Variants in KLHDC9 observed in about 807,000 individuals in gnomAD.
The protein encoded by KLHDC9 is kelch domain-containing protein 9.
In KLHDC9, 26 loss-of-function variants were observed where a neutral mutation model predicts 31.5. That is an observed-to-expected ratio of 0.83 (90% CI 0.61 to 1.15). KLHDC9 has a LOEUF of 1.15. Among genes scored for constraint, KLHDC9 ranks in the 50% most tolerant of loss-of-function variants. The pLI, the probability that KLHDC9 is intolerant of heterozygous loss-of-function variation, is 0.00. For missense variants in KLHDC9, 437 were observed against 467.7 expected (o/e 0.93, Z 0.61); for synonymous variants, 176 against 184.7 (o/e 0.95, Z 0.38).
In KLHDC9 at chr1:161,099,369, C is replaced by T; in HGVS notation, c.551C>T (p.Thr184Ile). 6.2e-7 allele frequency: 1 copy of T among 1,614,250 alleles called. No homozygotes were observed. The highest frequency in any genetic ancestry group is 8.5e-7 in the Non-Finnish European group (1 of 1,180,038). ...TYCYKQEGCH[T>I]ASRSGHCAAL... ...AGCTACAAGCAAGAAGGCTGCCACACAGCCTCACGCTCAGGTCACTGTGCG... is the reference window on the plus strand; with the variant it reads ...AGCTACAAGCAAGAAGGCTGCCACATAGCCTCACGCTCAGGTCACTGTGCG... The change falls in exon 2 of 4, where the codon ACA (threonine) becomes ATA (isoleucine). Residue 184 changes from threonine to isoleucine, a missense_variant. Thr to Ile is a moderately conservative substitution (Grantham distance 89). Coordinates refer to ENST00000368011, the MANE Select transcript of KLHDC9 (RefSeq NM_152366.5).
At position 161,099,297 on chromosome 1, in the gene KLHDC9, T is replaced by TA. The variant is rs374276703; in HGVS notation, c.528-48dup. 1,486 of 1,611,760 alleles carry TA rather than the reference T, an allele frequency of 9.2e-4. 16 individuals are homozygous for TA. In the African/African-American group the frequency reaches 0.017, roughly 18 times the overall value. ...CATCCTTGGCAAGGGCGGTGGCACT[T>TA]ACATTTTCCAGAAAACCCACTCAGC... On this transcript the variant is annotated intron_variant, in intron 1 of 3. Coordinates refer to ENST00000368011, the MANE Select transcript of KLHDC9 (RefSeq NM_152366.5).
rs1654465179 is a variant in KLHDC9, at chr1:161,099,373, C to T, written c.555C>T (p.Ala185=). 6.2e-7 allele frequency: 1 copy of T among 1,614,260 alleles called. No homozygotes were observed. Among genetic ancestry groups the T allele is most frequent in the South Asian group, 1.1e-5 (1 of 91,090 alleles). Residue 185 remains alanine, a synonymous_variant, in exon 2 of 4, where the codon GCC becomes GCT. Transcript: ENST00000368011. ...ACAAGCAAGAAGGCTGCCACACAGCCTCACGCTCAGGTCACTGTGCGGCCC... is the reference window on the plus strand; with the variant it reads ...ACAAGCAAGAAGGCTGCCACACAGCTTCACGCTCAGGTCACTGTGCGGCCC... ...YCYKQEGCHT[A]SRSGHCAALL...
In KLHDC9 at chr1:161,098,692, G is replaced by C; in HGVS notation, c.157G>C (p.Glu53Gln). The C allele has an allele frequency of 1.9e-6, 3 of 1,613,174 alleles. No individual in the cohort carries two copies. Among genetic ancestry groups the C allele is most frequent in the Non-Finnish European group, 2.5e-6 (3 of 1,179,514 alleles). ...TGGTCTCCTAGCAGGAGGAGCGAGAGAGCCCAGCAGCGATACGGTGGTTTT... is the reference window on the plus strand; with the variant it reads ...TGGTCTCCTAGCAGGAGGAGCGAGACAGCCCAGCAGCGATACGGTGGTTTT... The part of the protein sequence containing the change: ...VGGLLAGGAR[E>Q]PSSDTVVFDP... The change falls in exon 1 of 4, where the codon GAG becomes CAG. Residue 53 changes from glutamate to glutamine, a missense_variant. Coordinates refer to ENST00000368011, the MANE Select transcript of KLHDC9 (RefSeq NM_152366.5). The surrounding 1 kb of genome is among the most constrained non-coding windows in gnomAD (Gnocchi z 6.3).
In KLHDC9 at chr1:161,099,626, TG is replaced by T; in HGVS notation, c.718del (p.Glu240AsnfsTer7). 6.2e-7 allele frequency: 1 copy of T among 1,614,184 alleles called. No homozygotes were observed. Among genetic ancestry groups the T allele is most frequent in the Admixed American group, 1.7e-5 (1 of 60,022 alleles). On this transcript the variant is annotated frameshift_variant, in exon 3 of 4. Coordinates refer to ENST00000368011, the MANE Select transcript of KLHDC9 (RefSeq NM_152366.5). LOFTEE classifies it high-confidence loss of function. ...GAACCACCTGTTGCTCCTCATTTGA[TG>T]GAACAGCTTGCAAGGCTTGTGAGCA... ...KEEPPVAPHL[M>X]EQLARLVSSG... is the part of the protein sequence containing the mutation.
chr1:161,098,449 A>T lies in KLHDC9; in HGVS notation c.-87A>T. 8.0e-7 allele frequency: 1 copy of T among 1,251,514 alleles called. No homozygotes were observed. Among genetic ancestry groups the T allele is most frequent in the Admixed American group, 3.1e-5 (1 of 32,590 alleles). 77.5% of individuals were successfully genotyped at this position (1,251,514 alleles called of 1,614,324 possible). ...TCCGGTAGGGGGAGGTTCCCGGGGA[A>T]GCCCGCGGAAGGCGAGGTGCCTGGC... On this transcript the variant is annotated 5_prime_UTR_variant, in exon 1 of 4. It adds an upstream start codon to the 5' untranslated region. Coordinates refer to ENST00000368011, the MANE Select transcript of KLHDC9 (RefSeq NM_152366.5). The surrounding 1 kb of genome is among the most constrained non-coding windows in gnomAD (Gnocchi z 6.3).
At position 161,098,657 on chromosome 1, in the gene KLHDC9, A is replaced by G. The variant is rs750864544; in HGVS notation, c.122A>G (p.Tyr41Cys). The stretch of plus-strand genomic sequence containing the variant: ...TGCACCGAACTGCGGGGACGGTTCT[A>G]TCTCGTAGGTGGTCTCCTAGCAGGA... Reference protein sequence around the residue: ...HSCTELRGRFYLVGGLLAGGA... With the variant: ...HSCTELRGRFCLVGGLLAGGA... Residue 41 changes from tyrosine to cysteine, a missense_variant, in exon 1 of 4, where the codon TAT becomes TGT. Transcript: ENST00000368011. This position sits in a 1 kb window ranked among gnomAD's most constrained non-coding sequence, Gnocchi z 6.3. 5 of 1,612,768 alleles carry G rather than the reference A, an allele frequency of 3.1e-6. No homozygotes were observed. Among genetic ancestry groups the G allele is most frequent in the East Asian group, 2.2e-5 (1 of 44,850 alleles).
chr1:161,098,732 G>A lies in KLHDC9; in HGVS notation c.197G>A (p.Gly66Asp). 1.2e-6 allele frequency: 2 copies of A among 1,610,246 alleles called. No homozygotes were observed. The highest frequency in any genetic ancestry group is 1.7e-4 in the Middle Eastern group (1 of 6,054). ...ACGGTGGTTTTCGACCCAGCTAGGGGCCAGGCCGTACGATTGGGAGCCCGG... is the reference window on the plus strand; with the variant it reads ...ACGGTGGTTTTCGACCCAGCTAGGGACCAGGCCGTACGATTGGGAGCCCGG... ...SDTVVFDPAR[G>D]QAVRLGARGS... Residue 66 changes from glycine to aspartate, a missense_variant, in exon 1 of 4, where the codon GGC becomes GAC. Transcript: ENST00000368011. This position sits in a 1 kb window ranked among gnomAD's most constrained non-coding sequence, Gnocchi z 6.3.
chr1:161,098,372 TGGG>T lies in KLHDC9; in HGVS notation c.-163_-161del. 1 of 629,162 alleles carries T rather than the reference TGGG, an allele frequency of 1.6e-6. No homozygotes were observed. 39.0% of individuals were successfully genotyped at this position (629,162 alleles called of 1,614,324 possible). A position where few individuals can be genotyped will look rare whatever the true frequency, so the allele number is the denominator to read the frequency against. ...GCGCTGCAGCCGCTGCAGTGGTTGC[TGGG>T]CGACCACGGAGAGAAAGCCGGGACT... On this transcript the variant is annotated 5_prime_UTR_variant, in exon 1 of 4. Coordinates refer to ENST00000368011, the MANE Select transcript of KLHDC9 (RefSeq NM_152366.5). This position sits in a 1 kb window ranked among gnomAD's most constrained non-coding sequence, Gnocchi z 6.3.
Position 161,098,459 on chromosome 1 carries a change from A to G in KLHDC9, c.-77A>G. On this transcript the variant is annotated 5_prime_UTR_variant, in exon 1 of 4. Transcript: ENST00000368011. This position sits in a 1 kb window ranked among gnomAD's most constrained non-coding sequence, Gnocchi z 6.3. ...GGAGGTTCCCGGGGAAGCCCGCGGAAGGCGAGGTGCCTGGCCTGCCATGTA... is the reference window on the plus strand; with the variant it reads ...GGAGGTTCCCGGGGAAGCCCGCGGAGGGCGAGGTGCCTGGCCTGCCATGTA... 7.6e-7 allele frequency: 1 copy of G among 1,308,008 alleles called. No homozygotes were observed. The highest frequency in any genetic ancestry group is 1.6e-5 in the South Asian group (1 of 61,060). The allele number at this position is 1,308,008 out of a possible 1,614,324, so 81.0% of individuals were successfully genotyped here. A position where few individuals can be genotyped will look rare whatever the true frequency, so the allele number is the denominator to read the frequency against.
rs1381540394 is a variant in KLHDC9, at chr1:161,099,452, T to C, written c.634T>C (p.Cys212Arg). The C allele has an allele frequency of 1.9e-5, 31 of 1,614,154 alleles. No homozygotes were observed. The highest frequency in any genetic ancestry group is 2.5e-5 in the Non-Finnish European group (30 of 1,180,056). The change falls in exon 2 of 4, where the codon TGC (cysteine) becomes CGC (arginine). Residue 212 changes from cysteine to arginine, a missense_variant. Physicochemically the swap from Cys to Arg is radical, Grantham distance 180. Coordinates refer to ENST00000368011, the MANE Select transcript of KLHDC9 (RefSeq NM_152366.5). ...TCATCAGCTATTGCTCTTTGGAGGT[T>C]GCAACTTAGCTGAACCAGAAGTAGC... ...PGHQLLLFGG[C>R]NLAEPEVAGH...
At chr1:161,099,881 G>A (rs1654497996) in intron 3 of KLHDC9, 85 bp downstream of exon 3, 1 of 1,421,812 alleles carries the variant, frequency 7.0e-7, no homozygotes, top group East Asian at 2.3e-5. Context: ...GGAGTGATGG[G>A]GTAGGGAGGA....
Position 161,100,277 on chromosome 1 carries a change from C to G in KLHDC9, c.*53C>G. 1 of 1,537,848 alleles carries G rather than the reference C, an allele frequency of 6.5e-7. No individual in the cohort carries two copies. Among genetic ancestry groups the G allele is most frequent in the Non-Finnish European group, 8.9e-7 (1 of 1,120,432 alleles). On this transcript the variant is annotated 3_prime_UTR_variant, in exon 4 of 4. Coordinates refer to ENST00000368011, the MANE Select transcript of KLHDC9 (RefSeq NM_152366.5). ...CGTTTTGTTTTGCTTTGTTGCAAAC[C>G]TATAAAGCGTTATCACCAGAGCTAT... is the stretch of plus-strand genomic sequence containing the variant.
chr1:161,098,395 G>T lies in KLHDC9; in HGVS notation c.-141G>T. On this transcript the variant is annotated 5_prime_UTR_variant, in exon 1 of 4. Transcript: ENST00000368011. The surrounding 1 kb of genome is among the most constrained non-coding windows in gnomAD (Gnocchi z 6.3). ...GCTGGGCGACCACGGAGAGAAAGCCGGGACTTGAGGTGGGAACCCCGGCTG... is the reference window on the plus strand; with the variant it reads ...GCTGGGCGACCACGGAGAGAAAGCCTGGACTTGAGGTGGGAACCCCGGCTG... The T allele has an allele frequency of 1.4e-6, 1 of 707,950 alleles. No individual in the cohort carries two copies. Among genetic ancestry groups the T allele is most frequent in the Non-Finnish European group, 2.2e-6 (1 of 447,732 alleles). 43.9% of individuals were successfully genotyped at this position (707,950 alleles called of 1,614,324 possible).
chr1:161,100,037 C>T (rs376205080), intron 3 of KLHDC9, 24 bp from the exon 4 acceptor site: 3 of 1,611,900 alleles, frequency 1.9e-6, no homozygotes, highest in African/African-American at 2.7e-5. Context: ...GCCTCAATAA[C>T]CACCCTCTGC....
chr1:161,098,490 T>C lies in KLHDC9; in HGVS notation c.-46T>C. On this transcript the variant is annotated 5_prime_UTR_variant, in exon 1 of 4. Transcript: ENST00000368011. This position sits in a 1 kb window ranked among gnomAD's most constrained non-coding sequence, Gnocchi z 6.3. ...GGTGCCTGGCCTGCCATGTAGGGGC[T>C]CGTTCCAAGCCGCAGACCCCACCGC... The C allele has an allele frequency of 6.8e-7, 1 of 1,480,072 alleles. No homozygotes were observed. Among genetic ancestry groups the C allele is most frequent in the Non-Finnish European group, 9.0e-7 (1 of 1,109,842 alleles). The allele number at this position is 1,480,072 out of a possible 1,614,324, so 91.7% of individuals were successfully genotyped here.
chr1:161,100,286 GT>G lies in KLHDC9; in HGVS notation c.*64del. The G allele has an allele frequency of 6.8e-7, 1 of 1,460,536 alleles. No individual in the cohort carries two copies. Among genetic ancestry groups the G allele is most frequent in the Non-Finnish European group, 9.5e-7 (1 of 1,057,130 alleles). The allele number at this position is 1,460,536 out of a possible 1,614,324, so 90.5% of individuals were successfully genotyped here. On this transcript the variant is annotated 3_prime_UTR_variant, in exon 4 of 4. Coordinates refer to ENST00000368011, the MANE Select transcript of KLHDC9 (RefSeq NM_152366.5). ...TTGCTTTGTTGCAAACCTATAAAGCGTTATCACCAGAGCTATCTGCTTCACT... is the reference window on the plus strand; with the variant it reads ...TTGCTTTGTTGCAAACCTATAAAGCGTATCACCAGAGCTATCTGCTTCACT...
chr1:161,098,431 G>A lies in KLHDC9; in HGVS notation c.-105G>A, dbSNP rs1654403733. On this transcript the variant is annotated 5_prime_UTR_variant, in exon 1 of 4. Transcript: ENST00000368011. This position sits in a 1 kb window ranked among gnomAD's most constrained non-coding sequence, Gnocchi z 6.3. ...TGGGAACCCCGGCTGGCGTCCGGTA[G>A]GGGGAGGTTCCCGGGGAAGCCCGCG... The A allele has an allele frequency of 2.8e-6, 3 of 1,070,544 alleles. No homozygotes were observed. The allele number at this position is 1,070,544 out of a possible 1,614,324, so 66.3% of individuals were successfully genotyped here. A position where few individuals can be genotyped will look rare whatever the true frequency, so the allele number is the denominator to read the frequency against.
chr1:161,099,839 A>C, intron 3 of KLHDC9, 43 bp downstream of exon 3: 3 of 1,548,418 alleles, frequency 1.9e-6, no homozygotes, highest in Non-Finnish European at 2.7e-6. Context: ...AGGTGGGAAG[A>C]TGGGGGAACC....
intron 3 of KLHDC9, 128 bp downstream of exon 3, chr1:161,099,924 C>A: frequency 7.6e-7 from 1 of 1,321,836 alleles, no homozygotes. Flanking sequence ...TAAAGGAGTA[C>A]ACAGAATATT....
Sources: allele counts gnomAD v4.1 joint callset, GRCh38; gene constraint gnomAD v4.1.1; non-coding constraint Gnocchi (gnomAD v3.1); transcripts MANE v1.5; gene names NCBI Gene and HGNC (gene_info 2026-07-23, HGNC 2026-07-21).